Variants in CRB1 observed in about 807,000 individuals in gnomAD.
CRB1 encodes the protein protein crumbs homolog 1.
A neutral mutation model predicts 120.0 loss-of-function variants in CRB1; 83 were observed. That is an observed-to-expected ratio of 0.69 (90% CI 0.58 to 0.83). The LOEUF is 0.83. Among genes scored for constraint, CRB1 ranks in the 40% least tolerant of loss-of-function variants. CRB1 has a pLI of 0.00. For missense variants in CRB1, 1,699 were observed against 1,687.6 expected (o/e 1.01, Z -0.12); for synonymous variants, 625 against 612.5 (o/e 1.02, Z -0.30).
chr1:197,419,818 A>AT (rs1484049969), intron 5 of CRB1, among the ~76,000 whole-genome samples: 1 of 150,708 alleles, frequency 6.6e-6, no homozygotes, highest in Non-Finnish European at 1.5e-5. Flanking sequence ...ACAAAAAAAA[A>AT]AAAAAAATTA....
chr1:197,328,952 T>C lies in CRB1; in HGVS notation c.601T>C (p.Cys201Arg), dbSNP rs762835866. ...AGATCCCTGCAAGAACGAGGCTACA[T>C]GCCTCAATGAAATAGGAAGATATAC... ...ASDPCKNEAT[C>R]LNEIGRYTCI... The change falls in exon 2 of 12, where the codon TGC becomes CGC. Residue 201 changes from cysteine to arginine, a missense_variant. Cys to Arg is a radical substitution (Grantham distance 180). Coordinates refer to ENST00000367400, the MANE Select transcript of CRB1 (RefSeq NM_201253.3). 2 of 1,614,186 alleles carry C rather than the reference T, an allele frequency of 1.2e-6. No homozygotes were observed. Among genetic ancestry groups the C allele is most frequent in the South Asian group, 2.2e-5 (2 of 91,092 alleles).
chr1:197,387,734 C>G (rs542962783), intron 5 of CRB1, among the ~76,000 whole-genome samples: 1 of 151,810 alleles, frequency 6.6e-6, no homozygotes, highest in East Asian at 1.9e-4. Flanking sequence ...ATACAAGAGC[C>G]TTCTAGTTAT....
intron 8 of CRB1, among the ~76,000 whole-genome samples, chr1:197,431,933 T>C (rs1277431350): frequency 1.3e-5 from 2 of 152,180 alleles, no homozygotes; most frequent in African/African-American, 4.8e-5. Context: ...TCTATTATAT[T>C]TTCTTTCCAA....
chr1:197,396,941 T>C (rs1662803019), intron 5 of CRB1, among the ~76,000 whole-genome samples: 1 of 152,078 alleles, frequency 6.6e-6, no homozygotes, highest in African/African-American at 2.4e-5. Flanking sequence ...GGGAATCTGA[T>C]AAATTGCACT....
Position 197,429,558 on chromosome 1 carries a change from GA to G in CRB1, c.2787del (p.Phe930SerfsTer58). Reference sequence around the variant, plus strand: ...GCCTGTGAGGAGGTTCAGTGGTGTGGATTCAGCCCGTGTCCTCACGGAGCCC... The same window carrying G: ...GCCTGTGAGGAGGTTCAGTGGTGTGGTTCAGCCCGTGTCCTCACGGAGCCC... ...GKACEEVQWC[G>X]FSPCPHGAQC... On this transcript the variant is annotated frameshift_variant, in exon 8 of 12. Transcript: ENST00000367400. LOFTEE classifies it high-confidence loss of function. The G allele has an allele frequency of 6.2e-7, 1 of 1,614,022 alleles. No individual in the cohort carries two copies. Among genetic ancestry groups the G allele is most frequent in the Admixed American group, 1.7e-5 (1 of 59,998 alleles).
intron 11 of CRB1, among the ~76,000 whole-genome samples, chr1:197,467,741 T>G (rs774201568): frequency 1.1e-4 from 17 of 152,198 alleles, no homozygotes; most frequent in Non-Finnish European, 2.4e-4. Flanking sequence ...CTCCAATCTT[T>G]TTCTACACTA....
chr1:197,390,199 C>A (rs1056274259), intron 5 of CRB1, among the ~76,000 whole-genome samples: 1 of 141,300 alleles, frequency 7.1e-6, no homozygotes, highest in East Asian at 2.1e-4. Flanking sequence ...GGGGGTGGGG[C>A]GGGAAATATA....
At position 197,421,116 on chromosome 1, in the gene CRB1, A is replaced by G. The variant is rs1417065367; in HGVS notation, c.1288A>G (p.Arg430Gly). The G allele has an allele frequency of 1.2e-6, 2 of 1,614,092 alleles. No homozygotes were observed. The highest frequency in any genetic ancestry group is 2.7e-5 in the African/African-American group (2 of 74,940). The change falls in exon 6 of 12, where the codon AGA (arginine) becomes GGA (glycine). Residue 430 changes from arginine (R) to glycine (G), a missense_variant. Arg to Gly is a moderately radical substitution (Grantham distance 125). Transcript: ENST00000367400. ...CCATTGCCCATTTGATAACCTTTCT[A>G]GAACTTTTTATGGAGGAAGGGACTG... Reference protein sequence around the residue: ...TCHCPFDNLSRTFYGGRDCSD... With the variant: ...TCHCPFDNLSGTFYGGRDCSD...
chr1:197,436,796 C>T (rs1402768701), intron 9 of CRB1, among the ~76,000 whole-genome samples: 6 of 152,082 alleles, frequency 3.9e-5, no homozygotes, highest in Middle Eastern at 3.2e-3. Flanking sequence ...CTACAACTTA[C>T]AGAATTGTAA....
Position 197,431,687 on chromosome 1 carries a change from G to A in CRB1, c.2842+2073G>A, listed in dbSNP as rs79112325. Among the ~76,000 whole-genome samples, 823 of 152,292 alleles carry A rather than the reference G, an allele frequency of 5.4e-3. 9 individuals carry two copies. Among genetic ancestry groups the A allele is most frequent in the African/African-American group, 0.018 (767 of 41,572 alleles). On this transcript the variant is annotated intron_variant, in intron 8 of 11. Transcript: ENST00000367400. Reference sequence around the variant, plus strand: ...GGACAAACATGTGTCAGAAGGAAGTGAAGTGAACTTTTACTGCTACAACAT... The same window carrying A: ...GGACAAACATGTGTCAGAAGGAAGTAAAGTGAACTTTTACTGCTACAACAT...
At chr1:197,295,473 T>C (rs1369439527) in intron 1 of CRB1, among the ~76,000 whole-genome samples, 1 of 151,966 alleles carries the variant, frequency 6.6e-6, no homozygotes. Context: ...TCTTGTAGGA[T>C]ATAGATTCCG....
Position 197,435,181 on chromosome 1 carries a change from T to C in CRB1, c.3318T>C (p.Tyr1106=), listed in dbSNP as rs186077696. 16 of 1,613,940 alleles carry C rather than the reference T, an allele frequency of 9.9e-6. No homozygotes were observed. In the East Asian group the frequency reaches 3.6e-4, roughly 36 times the overall value. The change falls in exon 9 of 12, where the codon TAT becomes TAC. Residue 1106 remains tyrosine, a synonymous_variant. Transcript: ENST00000367400. ...GTACAATAGAAATCGGAGGCATTTA[T>C]CTCTCTTACTTTGAAAATGTTCATG... ...CLSTIEIGGI[Y]LSYFENVHGF...
chr1:197,401,374 G>A (rs935931546), intron 5 of CRB1, among the ~76,000 whole-genome samples: 5 of 152,042 alleles, frequency 3.3e-5, no homozygotes, highest in African/African-American at 9.7e-5. Flanking sequence ...CAAGGTCAAA[G>A]TGAAATCATA....
At chr1:197,337,893 A>AT (rs1659246266) in intron 2 of CRB1, among the ~76,000 whole-genome samples, 1 of 152,132 alleles carries the variant, frequency 6.6e-6, no homozygotes, top group Non-Finnish European at 1.5e-5. Context: ...AATTACTACT[A>AT]TTTTAACAAT....
rs1247162027 is a variant in CRB1, at chr1:197,365,626, C to CTTCT, written c.1171+8615_1171+8616insCTTT. On this transcript the variant is annotated intron_variant, in intron 5 of 11. Transcript: ENST00000367400. The stretch of plus-strand genomic sequence containing the variant: ...TCTCCTTCTCCTTCTTCTTCTTCTT[C>CTTCT]TTTTTTTTTTTTTTTTATCAGTAGG... 1.4e-3 allele frequency among the ~76,000 whole-genome samples: 171 copies of CTTCT among 121,866 alleles called. 1 individual carries two copies. Among genetic ancestry groups the CTTCT allele is most frequent in the Non-Finnish European group, 2.3e-3 (136 of 60,440 alleles). 79.9% of individuals were successfully genotyped at this position (121,866 alleles called of 152,430 possible).
At chr1:197,385,800 T>C (rs1030817627) in intron 5 of CRB1, among the ~76,000 whole-genome samples, 1 of 152,012 alleles carries the variant, frequency 6.6e-6, no homozygotes, top group Non-Finnish European at 1.5e-5. Flanking sequence ...TGAAAATACA[T>C]AGTTAACATT....
intron 11 of CRB1, among the ~76,000 whole-genome samples, chr1:197,468,330 A>T (rs945323809): frequency 6.6e-6 from 1 of 151,776 alleles, no homozygotes; most frequent in African/African-American, 2.4e-5. Context: ...CTAAACAGTG[A>T]ATTATTTTAA....
At chr1:197,368,890 G>T (rs1481440983) in intron 5 of CRB1, among the ~76,000 whole-genome samples, 1 of 152,176 alleles carries the variant, frequency 6.6e-6, no homozygotes, top group African/African-American at 2.4e-5. Flanking sequence ...CAACTTAGAA[G>T]ACCTGAAAGG....
At chr1:197,224,849 A>AGAT in the CRB1 span, among the ~76,000 whole-genome samples, 2 of 152,064 alleles carry the variant, frequency 1.3e-5, no homozygotes, top group African/African-American at 4.8e-5. Context: ...GAGTAGTCTA[A>AGAT]GATGAAATGT....
Sources: allele counts gnomAD v4.1 joint callset (sites outside exome capture counted in the v4.1 genomes callset), GRCh38; gene constraint gnomAD v4.1.1; transcripts MANE v1.5; gene names NCBI Gene and HGNC (gene_info 2026-07-23, HGNC 2026-07-21).